The following GARNL3 variants were observed in gnomAD, a reference collection of about 807,000 sequenced individuals.
GARNL3 encodes GTPase-activating Rap/Ran-GAP domain-like protein 3.
A neutral mutation model predicts 125.0 loss-of-function variants in GARNL3; 63 were observed. The ratio of observed to expected loss-of-function variants is 0.50; its 90% CI spans 0.41 to 0.62. GARNL3 has a LOEUF of 0.62. Ranked by LOEUF, GARNL3 falls within the 20% of genes least tolerant of loss-of-function variation. The pLI is 0.00. For synonymous variants in GARNL3, 439 were observed against 457.5 expected, an observed-to-expected ratio of 0.96 and a Z score of 0.52; for missense variants, 994 against 1,244.0, an observed-to-expected ratio of 0.80 and a Z score of 3.02.
In GARNL3 at chr9:127,331,720, C is replaced by CTTGCTTTTTTTTTTTTTTTTTTTTTTTT. The variant is rs367597623; in HGVS notation, c.595-552_595-551insGCTTTTTTTTTTTTTTTTTTTTTTTTTT. Among the ~76,000 whole-genome samples, 51 of 74,398 alleles carry CTTGCTTTTTTTTTTTTTTTTTTTTTTTT rather than the reference C, an allele frequency of 6.9e-4. 2 individuals are homozygous for CTTGCTTTTTTTTTTTTTTTTTTTTTTTT. The highest frequency in any genetic ancestry group is 2.4e-3 in the African/African-American group (50 of 20,908). The allele number at this position is 74,398 out of a possible 152,430, so 48.8% of individuals were successfully genotyped here. A position where few individuals can be genotyped will look rare whatever the true frequency, so the allele number is the denominator to read the frequency against. On this transcript the variant is annotated intron_variant, in intron 7 of 27. Transcript: ENST00000373387. The stretch of plus-strand genomic sequence containing the variant: ...CTACTGCTTGCTTGGCTTGGGCTTG[C>CTTGCTTTTTTTTTTTTTTTTTTTTTTTT]TTTTTTTTTTTTTTTCACATCTGTT...
chr9:127,374,100 G>C (rs1216806419), intron 22 of GARNL3, among the ~76,000 whole-genome samples: 1 of 152,090 alleles, frequency 6.6e-6, no homozygotes, highest in Admixed American at 6.6e-5. Context: ...TCAGGAGTTC[G>C]AGAGCAGCCT....
At chr9:127,243,678 T>G (rs1441231552) in intron 2 of GARNL3, among the ~76,000 whole-genome samples, 1 of 152,180 alleles carries the variant, frequency 6.6e-6, no homozygotes, top group African/African-American at 2.4e-5. Flanking sequence ...TTACCTACCT[T>G]TTGAATATAA....
In GARNL3 at chr9:127,357,306, C is replaced by T. The variant is rs375672702; in HGVS notation, c.2023C>T (p.Arg675Ter). 6.2e-6 allele frequency: 10 copies of T among 1,614,052 alleles called. No individual in the cohort carries two copies. Among genetic ancestry groups the T allele is most frequent in the South Asian group, 1.1e-5 (1 of 91,086 alleles). Reference sequence around the variant, plus strand: ...TGACAATCTCATCTGTGTGGCTTATCGACACCAATTTGATGTGGTGAATGA... The same window carrying T: ...TGACAATCTCATCTGTGTGGCTTATTGACACCAATTTGATGTGGTGAATGA... ...ESDNLICVAY[R>*]HQFDVVNEST... Residue 675 changes from arginine to a stop codon, truncating the protein, a stop_gained, in exon 21 of 28, where the codon CGA becomes TGA. Transcript: ENST00000373387. LOFTEE classifies it high-confidence loss of function.
rs2063261556 is a variant in GARNL3, at chr9:127,244,478, CAT to C, written c.143+1231_143+1232del. On this transcript the variant is annotated intron_variant, in intron 2 of 10. Coordinates refer to the GARNL3 transcript ENST00000439286. ...AAATTACCCAGGGTAGCTTTAAAAA[CAT>C]AGAAGTCTGCCCTGCCCCTCCAAAA... Among the ~76,000 whole-genome samples the C allele has an allele frequency of 3.9e-5, 6 of 152,288 alleles. No individual in the cohort carries two copies. In the South Asian group the frequency reaches 1.0e-3, roughly 26 times the overall value.
intron 1 of GARNL3, among the ~76,000 whole-genome samples, chr9:127,282,725 A>G (rs1384326694): frequency 6.6e-6 from 1 of 152,228 alleles, no homozygotes; most frequent in African/African-American, 2.4e-5. Flanking sequence ...CTGAATGCCA[A>G]GTACACAGTG....
intron 1 of GARNL3, among the ~76,000 whole-genome samples, chr9:127,273,437 T>A (rs2063873044): frequency 6.6e-6 from 1 of 152,260 alleles, no homozygotes. Context: ...CTATTTTTCG[T>A]CCAAATCTTA....
chr9:127,390,497 A>G (rs1306217844), intron 26 of GARNL3, 144 bp from the exon 27 acceptor site: 7 of 788,262 alleles, frequency 8.9e-6, no homozygotes, highest in African/African-American at 7.0e-5. Flanking sequence ...AAAACCAATA[A>G]TTTGAAAATA....
rs80086048 is a variant in GARNL3, at chr9:127,271,754, C to G, written c.144+6733C>G. ...GGCACAATATAGACCTCTCCCCTCC[C>G]CAGCCCAGCTGCTGACTCTCATAAA... On this transcript the variant is annotated intron_variant, in intron 1 of 27. Coordinates refer to ENST00000373387, the MANE Select transcript of GARNL3 (RefSeq NM_032293.5). Among the ~76,000 whole-genome samples, 13 of 150,298 alleles carry G rather than the reference C, an allele frequency of 8.6e-5. 1 individual carries two copies. Among genetic ancestry groups the G allele is most frequent in the African/African-American group, 3.3e-4 (13 of 39,628 alleles).
At chr9:127,338,007 A>C in intron 11 of GARNL3, 109 bp from the exon 12 acceptor site, 1 of 826,494 alleles carries the variant, frequency 1.2e-6, no homozygotes, top group Non-Finnish European at 2.1e-6. Flanking sequence ...TAGGTGCCCT[A>C]AGCACAGAAG....
chr9:127,390,574 A>G, intron 26 of GARNL3, 67 bp from the exon 27 acceptor site: 1 of 1,485,240 alleles, frequency 6.7e-7, no homozygotes, highest in East Asian at 2.3e-5. Flanking sequence ...AAGAAAAAAT[A>G]AGGGTCTTTT....
chr9:127,339,737 T>G lies in GARNL3; in HGVS notation c.1121T>G (p.Phe374Cys). The G allele has an allele frequency of 6.2e-7, 1 of 1,610,552 alleles. No homozygotes were observed. The highest frequency in any genetic ancestry group is 2.2e-5 in the East Asian group (1 of 44,848). Residue 374 changes from phenylalanine to cysteine, a missense_variant, in exon 13 of 28, where the codon TTT (phenylalanine) becomes TGT (cysteine). This residue lies in a region of GARNL3 where 728 missense variants were observed against 865.7 expected (regional missense o/e 0.84). Transcript: ENST00000373387. ...ACAGACCACCAGGAATTCAGGGACT[T>G]TTTGCTAGTGAAATGTAAGTTTCTG... ...VFTDHQEFRD[F>C]LLVKLINGEK... is the part of the protein sequence containing the mutation.
At chr9:127,383,390 C>A (rs1381242028) in intron 22 of GARNL3, 48 bp from the exon 23 acceptor site, 2 of 1,162,010 alleles carry the variant, frequency 1.7e-6, no homozygotes, top group South Asian at 2.6e-5. Context: ...TTACAGTCAT[C>A]TAAGTGTTGT....
At chr9:127,374,834 G>C (rs1166660820) in intron 22 of GARNL3, among the ~76,000 whole-genome samples, 1 of 150,918 alleles carries the variant, frequency 6.6e-6, no homozygotes, top group Non-Finnish European at 1.5e-5. Flanking sequence ...AACACTTTGG[G>C]AGGCTGAGAT....
At chr9:127,236,668 C>T (rs2063118752) in intron 1 of GARNL3, among the ~76,000 whole-genome samples, 1 of 152,190 alleles carries the variant, frequency 6.6e-6, no homozygotes, top group East Asian at 1.9e-4. Flanking sequence ...CTCAGTTCCC[C>T]CTGCTTCGGC....
In GARNL3 at chr9:127,335,230, A is replaced by T; in HGVS notation, c.770A>T (p.Asn257Ile). Residue 257 changes from asparagine (N) to isoleucine (I), a missense_variant and splice_region_variant, in exon 10 of 28, where the codon AAT (asparagine) becomes ATT (isoleucine). Asn to Ile is a moderately radical substitution (Grantham distance 149). Around this residue, in one of 5 missense-constraint regions of GARNL3, gnomAD observed 71 missense variants for 66.2 expected, o/e 1.07. Coordinates refer to ENST00000373387, the MANE Select transcript of GARNL3 (RefSeq NM_032293.5). ...CTGAATGCATATTTATATTTTGCAG[A>T]TGATACCACAGGGATACATTCAGTT... ...TGYRGGLDTK[N>I]DTTGIHSVYT... is the part of the protein sequence containing the mutation. The T allele has an allele frequency of 6.2e-7, 1 of 1,606,418 alleles. No homozygotes were observed. Among genetic ancestry groups the T allele is most frequent in the African/African-American group, 1.3e-5 (1 of 74,912 alleles).
intron 2 of GARNL3, among the ~76,000 whole-genome samples, chr9:127,256,387 C>G (rs927825586): frequency 6.6e-6 from 1 of 152,130 alleles, no homozygotes; most frequent in African/African-American, 2.4e-5. Context: ...CACCCACACC[C>G]GAAGACTGCA....
intron 1 of GARNL3, chr9:127,225,094 C>G (rs1320835070): frequency 8.1e-5 from 3 of 36,826 alleles, no homozygotes; most frequent in African/African-American, 3.2e-4. Flanking sequence ...AGCGGAGGGT[C>G]TGGGCAGGCT....
At chr9:127,228,721 A>G (rs2062954669) in intron 1 of GARNL3, among the ~76,000 whole-genome samples, 1 of 152,020 alleles carries the variant, frequency 6.6e-6, no homozygotes, top group Non-Finnish European at 1.5e-5. Context: ...TCAGTTTATT[A>G]TTTGCCTTTT....
intron 22 of GARNL3, among the ~76,000 whole-genome samples, chr9:127,373,016 A>G (rs774221931): frequency 2.6e-5 from 4 of 152,226 alleles, no homozygotes; most frequent in Non-Finnish European, 5.9e-5. Flanking sequence ...TGTGTTACCT[A>G]ATAGATAATT....
Sources: allele counts gnomAD v4.1 joint callset (sites outside exome capture counted in the v4.1 genomes callset), GRCh38; gene constraint gnomAD v4.1.1; regional missense constraint gnomAD v4.1.1; transcripts MANE v1.5; gene names NCBI Gene and HGNC (gene_info 2026-07-23, HGNC 2026-07-21).